Variants in BSG observed in about 807,000 individuals in gnomAD.
The protein encoded by BSG is basigin (Ok blood group), also known as basigin.
BSG carries 37 observed loss-of-function variants against 43.1 expected under a neutral mutation model. The ratio of observed to expected loss-of-function variants is 0.86; its 90% CI spans 0.66 to 1.13. BSG has a LOEUF of 1.13. Ranked by LOEUF, BSG falls within the 50% of genes most tolerant of loss-of-function variation. The pLI, the probability that BSG is intolerant of heterozygous loss-of-function variation, is 0.00. For missense variants in BSG, 599 were observed against 554.2 expected (o/e 1.08, Z -0.81); for synonymous variants, 309 against 238.7 (o/e 1.29, Z -2.72).
At position 577,829 on chromosome 19, in the gene BSG, G is replaced by C; in HGVS notation, c.123G>C (p.Glu41Asp). The change falls in exon 2 of 9, where the codon GAG becomes GAC. Residue 41 changes from glutamate to aspartate, a missense_variant. Physicochemically the swap from Glu to Asp is conservative, Grantham distance 45. Transcript: ENST00000333511. ...AGAGGTGGGTGGGGGGCAGTGTGGA[G>C]CTGCACTGCGAGGCCGTGGGCAGCC... Reference protein sequence around the residue: ...SQQRWVGGSVELHCEAVGSPV... With the variant: ...SQQRWVGGSVDLHCEAVGSPV... 1 of 1,499,960 alleles carries C rather than the reference G, an allele frequency of 6.7e-7. No individual in the cohort carries two copies. Among genetic ancestry groups the C allele is most frequent in the Non-Finnish European group, 9.0e-7 (1 of 1,116,334 alleles). The allele number at this position is 1,499,960 out of a possible 1,614,324, so 92.9% of individuals were successfully genotyped here.
At chr19:582,677 G>T in intron 8 of BSG, 73 bp from the exon 9 acceptor site, 1 of 1,345,806 alleles carries the variant, frequency 7.4e-7, no homozygotes, top group Non-Finnish European at 1.0e-6. Flanking sequence ...TGCTAGCCAG[G>T]TGTGGGCTCC....
chr19:575,466 C>T (rs927758983), intron 1 of BSG: 2 of 143,892 alleles, frequency 1.4e-5, no homozygotes, highest in Non-Finnish European at 3.0e-5. Flanking sequence ...AGCTGGGTCC[C>T]GAGGGTGGAG....
At chr19:572,935 C>T (rs1436131153) in intron 1 of BSG, among the ~76,000 whole-genome samples, 1 of 112,812 alleles carries the variant, frequency 8.9e-6, no homozygotes, top group Non-Finnish European at 1.8e-5. Context: ...CCCGGGCGCT[C>T]CGGCCTCGAG....
chr19:580,495 CGACT>C lies in BSG; in HGVS notation c.655+36_655+39del, dbSNP rs1397662617. ...TGCAGCCAGGGGTACCGGGCACCAC[CGACT>C]GTCGGGAGAAGTTGTTGGCCTGAGG... is the stretch of plus-strand genomic sequence containing the variant. On this transcript the variant is annotated intron_variant, in intron 4 of 8. Coordinates refer to ENST00000333511, the MANE Select transcript of BSG (RefSeq NM_001728.4). 3 of 1,608,062 alleles carry C rather than the reference CGACT, an allele frequency of 1.9e-6. No individual in the cohort carries two copies. The African/African-American group carries it at 4.0e-5, about 21-fold the overall frequency.
chr19:578,147 G>T, intron 2 of BSG, 26 bp downstream of exon 2: 1 of 1,499,704 alleles, frequency 6.7e-7, no homozygotes. Flanking sequence ...CTCCCTCCCC[G>T]CCTCCCTCAG....
At chr19:577,562 G>A (rs1186090864) in intron 1 of BSG, among the ~76,000 whole-genome samples, 1 of 152,184 alleles carries the variant, frequency 6.6e-6, no homozygotes, top group Non-Finnish European at 1.5e-5. Context: ...AGAAGCCGCC[G>A]TGGCTGCCGT....
intron 1 of BSG, among the ~76,000 whole-genome samples, chr19:577,181 G>A (rs189865097): frequency 2.2e-4 from 33 of 152,280 alleles, no homozygotes; most frequent in Admixed American, 2.1e-3. Context: ...TTCGAAGGAA[G>A]GGGAGGCGTG....
At chr19:571,686 G>A (rs1021045526), upstream of BSG, 13 of 737,186 alleles carry the variant, frequency 1.8e-5, no homozygotes, top group Non-Finnish European at 3.3e-5. Context: ...TTCTCAGCGA[G>A]ACCACTTTAC....
rs1981370080 is a variant in BSG at position 572,701 on chromosome 19, G to A, written c.67G>A (p.Ala23Thr). 1 of 1,477,934 alleles carries A rather than the reference G, an allele frequency of 6.8e-7. No homozygotes were observed. Among genetic ancestry groups the A allele is most frequent in the Non-Finnish European group, 9.0e-7 (1 of 1,108,200 alleles). The allele number at this position is 1,477,934 out of a possible 1,614,324, so 91.6% of individuals were successfully genotyped here. A position where few individuals can be genotyped will look rare whatever the true frequency, so the allele number is the denominator to read the frequency against. The part of the protein sequence containing the change: ...LLGTHGASGA[A>T]GFVQAPLSQQ... Reference sequence around the variant, plus strand: ...GGGCACCCACGGAGCCTCCGGGGCTGGTGAGGAGCGGGTAGGGGGCGGGGG... The same window carrying A: ...GGGCACCCACGGAGCCTCCGGGGCTAGTGAGGAGCGGGTAGGGGGCGGGGG... Residue 23 changes from alanine to threonine, a missense_variant and splice_region_variant, in exon 1 of 9, where the codon GCC becomes ACC. By Grantham distance (58) the Ala-to-Thr change is moderately conservative. Transcript: ENST00000333511.
Position 577,788 on chromosome 19 carries a change from G to A in BSG, c.82G>A (p.Ala28Thr), listed in dbSNP as rs906864955. Residue 28 changes from alanine (A) to threonine (T), a missense_variant, in exon 2 of 9, where the codon GCG (alanine) becomes ACG (threonine). Coordinates refer to ENST00000333511, the MANE Select transcript of BSG (RefSeq NM_001728.4). Reference protein sequence around the residue: ...GASGAAGFVQAPLSQQRWVGG... With the variant: ...GASGAAGFVQTPLSQQRWVGG... ...TCTCCCCACAGCCGGCTTCGTCCAGGCGCCGCTGTCCCAGCAGAGGTGGGT... is the reference window on the plus strand; with the variant it reads ...TCTCCCCACAGCCGGCTTCGTCCAGACGCCGCTGTCCCAGCAGAGGTGGGT... 7.0e-6 allele frequency: 10 copies of A among 1,423,188 alleles called. No homozygotes were observed. Among genetic ancestry groups the A allele is most frequent in the Non-Finnish European group, 9.2e-6 (10 of 1,084,280 alleles). The allele number at this position is 1,423,188 out of a possible 1,614,324, so 88.2% of individuals were successfully genotyped here.
chr19:577,752 C>G (rs777979387), intron 1 of BSG, 22 bp from the exon 2 acceptor site: 1 of 1,384,026 alleles, frequency 7.2e-7, no homozygotes, highest in Non-Finnish European at 9.4e-7. Flanking sequence ...CTAACAAGAC[C>G]CCACGCGTGC....
At position 582,558 on chromosome 19, in the gene BSG, G is replaced by T; in HGVS notation, c.1139G>T (p.Arg380Leu). ...QHQNDKGKNV[R>L]QRNSS ...CAGAATGACAAAGGCAAGAACGTCCGCCAGAGGAACTCTTCCTGAGGCAGG... is the reference window on the plus strand; with the variant it reads ...CAGAATGACAAAGGCAAGAACGTCCTCCAGAGGAACTCTTCCTGAGGCAGG... Residue 380 changes from arginine (R) to leucine (L), a missense_variant, in exon 8 of 9, where the codon CGC becomes CTC. Arg to Leu is a moderately radical substitution (Grantham distance 102). Coordinates refer to ENST00000333511, the MANE Select transcript of BSG (RefSeq NM_001728.4). 1 of 1,516,398 alleles carries T rather than the reference G, an allele frequency of 6.6e-7. No individual in the cohort carries two copies. Among genetic ancestry groups the T allele is most frequent in the Non-Finnish European group, 8.9e-7 (1 of 1,121,828 alleles). 93.9% of individuals were successfully genotyped at this position (1,516,398 alleles called of 1,614,324 possible).
chr19:573,681 T>A (rs1308515516), intron 1 of BSG, among the ~76,000 whole-genome samples: 1 of 151,920 alleles, frequency 6.6e-6, no homozygotes, highest in African/African-American at 2.4e-5. Flanking sequence ...GAAACAGCCC[T>A]GTGGGAAGTC....
Position 578,143 on chromosome 19 carries a change from C to T in BSG, c.415+22C>T, listed in dbSNP as rs763889723. The T allele has an allele frequency of 6.6e-6, 10 of 1,508,028 alleles. No individual in the cohort carries two copies. In the African/African-American group the frequency reaches 1.1e-4, roughly 17 times the overall value. The allele number at this position is 1,508,028 out of a possible 1,614,324, so 93.4% of individuals were successfully genotyped here. On this transcript the variant is annotated intron_variant, in intron 2 of 8. Coordinates refer to ENST00000333511, the MANE Select transcript of BSG (RefSeq NM_001728.4). ...GAACGTGAGTGGCGGGCACCTCCCTCCCCGCCTCCCTCAGTTTCCCTCCTG... is the reference window on the plus strand; with the variant it reads ...GAACGTGAGTGGCGGGCACCTCCCTTCCCGCCTCCCTCAGTTTCCCTCCTG...
intron 1 of BSG, among the ~76,000 whole-genome samples, chr19:577,482 C>T (rs112110825): frequency 4.8e-4 from 73 of 152,178 alleles, no homozygotes; most frequent in Non-Finnish European, 6.6e-4. Context: ...GCTCAGGACT[C>T]CTGGCTCTTC....
chr19:573,882 G>A (rs1169154894), intron 1 of BSG, among the ~76,000 whole-genome samples: 3 of 152,152 alleles, frequency 2.0e-5, no homozygotes, highest in Non-Finnish European at 2.9e-5. Flanking sequence ...TGTTTTTCCG[G>A]GAGAAAAGCA....
upstream of BSG, chr19:571,482 G>C: frequency 1.3e-6 from 1 of 777,144 alleles, no homozygotes; most frequent in Admixed American, 1.7e-5. Context: ...TACCCGCGTT[G>C]CTGAGAGTCT....
intron 1 of BSG, among the ~76,000 whole-genome samples, chr19:574,384 T>C (rs974198951): frequency 2.6e-5 from 4 of 151,996 alleles, no homozygotes; most frequent in Non-Finnish European, 5.9e-5. Context: ...AAACCCCGTC[T>C]CTACTAAAAA....
In BSG at chr19:579,573, C is replaced by T; in HGVS notation, c.489C>T (p.Ala163=). The T allele has an allele frequency of 6.2e-7, 1 of 1,612,770 alleles. No homozygotes were observed. The highest frequency in any genetic ancestry group is 2.2e-5 in the East Asian group (1 of 44,884). Residue 163 remains alanine (A), a synonymous_variant, in exon 3 of 9, where the codon GCC becomes GCT. Coordinates refer to ENST00000333511, the MANE Select transcript of BSG (RefSeq NM_001728.4). ...ILLTCSLNDS[A]TEVTGHRWLK... is the part of the protein sequence containing the mutation. ...TCACCTGCTCCTTGAATGACAGCGCCACAGAGGTCACAGGGCACCGCTGGC... is the reference window on the plus strand; with the variant it reads ...TCACCTGCTCCTTGAATGACAGCGCTACAGAGGTCACAGGGCACCGCTGGC...
Sources: gnomAD v4.1 joint callset for allele counts (sites outside exome capture counted in the v4.1 genomes callset) on GRCh38, gnomAD v4.1.1 for gene constraint, MANE v1.5 for transcripts, NCBI Gene and HGNC (gene_info 2026-07-23, HGNC 2026-07-21) for gene names.